The following COLEC10 variants were observed in gnomAD, a reference collection of about 807,000 sequenced individuals.
The protein encoded by COLEC10 is collectin subfamily member 10.
A neutral mutation model predicts 28.4 loss-of-function variants in COLEC10; 22 were observed. The ratio of observed to expected loss-of-function variants is 0.78; its 90% CI spans 0.55 to 1.11. The LOEUF (loss-of-function observed/expected upper bound fraction) is 1.11. Ranked by LOEUF, COLEC10 falls within the 50% of genes least tolerant of loss-of-function variation. COLEC10 has a pLI of 0.00. For missense variants in COLEC10, 361 were observed against 344.1 expected (o/e 1.05, Z -0.39); for synonymous variants, 125 against 116.1 (o/e 1.08, Z -0.49).
At position 118,999,152 on chromosome 8, in the gene COLEC10, CATTT is replaced by C. The variant is rs536590047; in HGVS notation, n.122+3588_122+3591del. On this transcript the variant is annotated intron_variant and non_coding_transcript_variant, in intron 1 of 6. Transcript: ENST00000521788. ...CACATTTATTTATTATAAATACATTCATTTATTTATTTGTTATTAATTTCTAATT... is the reference window on the plus strand; with the variant it reads ...CACATTTATTTATTATAAATACATTCATTTATTTGTTATTAATTTCTAATT... 2.8e-4 allele frequency among the ~76,000 whole-genome samples: 42 copies of C among 152,110 alleles called. No individual in the cohort carries two copies. The South Asian group carries it at 7.7e-3, about 28-fold the overall frequency.
chr8:118,988,495 G>A, the COLEC10 span, among the ~76,000 whole-genome samples: 10 of 152,098 alleles, frequency 6.6e-5, no homozygotes, highest in African/African-American at 2.4e-4. Flanking sequence ...AGGAGTTAAG[G>A]CTTCAAGGAA....
the COLEC10 span, among the ~76,000 whole-genome samples, chr8:118,987,477 T>A: frequency 6.6e-6 from 1 of 151,946 alleles, no homozygotes; most frequent in African/African-American, 2.4e-5. Flanking sequence ...GGCATGAAAA[T>A]CTCTTGAACC....
At chr8:118,970,909 T>C in the COLEC10 span, among the ~76,000 whole-genome samples, 1 of 152,132 alleles carries the variant, frequency 6.6e-6, no homozygotes, top group South Asian at 2.1e-4. Flanking sequence ...CAGAACCCCT[T>C]CATTTTACAG....
chr8:119,108,199 A>T lies in COLEC10; in HGVS notation c.*2008A>T, dbSNP rs1815991714. Among the ~76,000 whole-genome samples, 1 of 152,230 alleles carries T rather than the reference A, an allele frequency of 6.6e-6. No individual in the cohort carries two copies. The highest frequency in any genetic ancestry group is 6.5e-5 in the Admixed American group (1 of 15,280). ...AATAAAAATTACAAAGTAGGACATC[A>T]AACGCCAGTATCCTTGGATAGAAAG... On this transcript the variant is annotated 3_prime_UTR_variant, in exon 6 of 6. Coordinates refer to ENST00000332843, the MANE Select transcript of COLEC10 (RefSeq NM_006438.5).
chr8:118,969,892 C>T, the COLEC10 span, among the ~76,000 whole-genome samples: 1 of 151,864 alleles, frequency 6.6e-6, no homozygotes, highest in Non-Finnish European at 1.5e-5. Context: ...TTTTATTCCA[C>T]AGAAATAATT....
intron 2 of COLEC10, among the ~76,000 whole-genome samples, chr8:119,056,434 C>T (rs1359203845): frequency 2.0e-5 from 3 of 152,048 alleles, no homozygotes; most frequent in African/African-American, 7.2e-5. Context: ...GTTTCATCAG[C>T]TCTTGATCCA....
upstream of COLEC10, among the ~76,000 whole-genome samples, chr8:118,992,437 T>C (rs1813518628): frequency 2.0e-5 from 3 of 152,176 alleles, no homozygotes; most frequent in African/African-American, 4.8e-5. Context: ...TGGTAGAAGA[T>C]ATTTTTAAAA....
At chr8:119,048,898 C>T (rs181529071) in intron 2 of COLEC10, among the ~76,000 whole-genome samples, 3 of 152,258 alleles carry the variant, frequency 2.0e-5, no homozygotes, top group Admixed American at 2.0e-4. Context: ...GGTTGTTATG[C>T]AGGCTTGATT....
At chr8:119,090,089 C>T (rs1243493215) in intron 2 of COLEC10, among the ~76,000 whole-genome samples, 1 of 109,986 alleles carries the variant, frequency 9.1e-6, no homozygotes. Flanking sequence ...TGCTAAGCAG[C>T]ATTTTTTTTT....
chr8:119,008,837 C>A lies in COLEC10; in HGVS notation n.123-604C>A, dbSNP rs533708667. ...CATATAAAATAGGGGTAACTACCCC[C>A]TCTTGAATTGTTGTTACAATTAAGT... is the stretch of plus-strand genomic sequence containing the variant. On this transcript the variant is annotated intron_variant and non_coding_transcript_variant, in intron 1 of 6. Transcript: ENST00000521788. Among the ~76,000 whole-genome samples the A allele has an allele frequency of 7.5e-4, 113 of 151,200 alleles. 8 individuals carry two copies. The highest frequency in any genetic ancestry group is 2.8e-3 in the African/African-American group (112 of 40,584).
At chr8:119,072,763 C>T (rs1815149780) in intron 1 of COLEC10, among the ~76,000 whole-genome samples, 2 of 152,146 alleles carry the variant, frequency 1.3e-5, no homozygotes. Flanking sequence ...CAAGCTCTGC[C>T]CGGTTGCTGC....
At chr8:118,969,627 C>A in the COLEC10 span, among the ~76,000 whole-genome samples, 4 of 151,654 alleles carry the variant, frequency 2.6e-5, no homozygotes, top group African/African-American at 9.7e-5. Flanking sequence ...GTGGTACACC[C>A]AATACCCAGA....
intron 1 of COLEC10, among the ~76,000 whole-genome samples, chr8:119,089,359 T>G (rs1298139677): frequency 6.6e-6 from 1 of 151,988 alleles, no homozygotes; most frequent in Non-Finnish European, 1.5e-5. Context: ...TTGTGTAAAT[T>G]TTATGTTTAT....
chr8:119,089,875 T>C, intron 2 of COLEC10, 124 bp downstream of exon 2: 1 of 704,566 alleles, frequency 1.4e-6, no homozygotes, highest in Non-Finnish European at 2.5e-6. Flanking sequence ...CTGAAATATA[T>C]TTCACACATG....
At chr8:119,048,645 A>G (rs761492269) in intron 2 of COLEC10, among the ~76,000 whole-genome samples, 27 of 152,078 alleles carry the variant, frequency 1.8e-4, no homozygotes, top group Non-Finnish European at 2.8e-4. Context: ...TTTATCTGTT[A>G]TAAGAATAGT....
intron 2 of COLEC10, among the ~76,000 whole-genome samples, chr8:119,042,541 C>G (rs1217009204): frequency 1.3e-5 from 2 of 152,134 alleles, no homozygotes; most frequent in African/African-American, 2.4e-5. Flanking sequence ...GTGATCCTCT[C>G]TCCACATTAA....
chr8:119,067,394 T>C lies in COLEC10; in HGVS notation c.113T>C (p.Val38Ala). 1 of 1,614,026 alleles carries C rather than the reference T, an allele frequency of 6.2e-7. No individual in the cohort carries two copies. The highest frequency in any genetic ancestry group is 8.5e-7 in the Non-Finnish European group (1 of 1,179,940). ...ATTGATAGCCGTCCTACCGCTGAAG[T>C]CTGTGCCACACACACAATTTCACCA... is the stretch of plus-strand genomic sequence containing the variant. ...LDIDSRPTAE[V>A]CATHTISPGP... is the part of the protein sequence containing the mutation. The change falls in exon 1 of 6, where the codon GTC becomes GCC. Residue 38 changes from valine to alanine, a missense_variant. Around this residue, in one of 3 missense-constraint regions of COLEC10, gnomAD observed 335 missense variants for 308.5 expected, o/e 1.09. Coordinates refer to ENST00000332843, the MANE Select transcript of COLEC10 (RefSeq NM_006438.5).
chr8:119,068,245 A>C (rs1398455464), intron 1 of COLEC10: 3 of 152,164 alleles, frequency 2.0e-5, no homozygotes, highest in South Asian at 4.1e-4. Context: ...GTGTTTTTCC[A>C]AAAAACAAAA....
At chr8:118,955,962 A>G in the COLEC10 span, among the ~76,000 whole-genome samples, 2 of 152,354 alleles carry the variant, frequency 1.3e-5, no homozygotes, top group East Asian at 3.9e-4. Flanking sequence ...CTATTACAAC[A>G]AACTATCATA....
Sources: gnomAD v4.1 joint callset for allele counts (sites outside exome capture counted in the v4.1 genomes callset) on GRCh38, gnomAD v4.1.1 for gene constraint, gnomAD v4.1.1 regional missense constraint, MANE v1.5 for transcripts, NCBI Gene and HGNC (gene_info 2026-07-23, HGNC 2026-07-21) for gene names.